SPARCL1: variants seen among roughly 807,000 people sequenced by gnomAD.
SPARCL1 encodes SPARC like 1, also known as SPARC-like protein 1.
A neutral mutation model predicts 67.1 loss-of-function variants in SPARCL1; 52 were observed. That is an observed-to-expected ratio of 0.78 (90% CI 0.62 to 0.98). SPARCL1 has a LOEUF of 0.98. Among genes scored for constraint, SPARCL1 ranks in the 50% least tolerant of loss-of-function variants. The pLI is 0.00. For synonymous variants in SPARCL1, 226 were observed against 267.8 expected, an observed-to-expected ratio of 0.84 and a Z score of 1.52; for missense variants, 717 against 782.4, an observed-to-expected ratio of 0.92 and a Z score of 1.00.
intron 1 of SPARCL1, among the ~76,000 whole-genome samples, chr4:87,501,482 T>A (rs1413252148): frequency 6.6e-6 from 1 of 152,160 alleles, no homozygotes; most frequent in African/African-American, 2.4e-5. Context: ...ATAGTTTGAA[T>A]AGATATAGAA....
At chr4:87,493,513 G>T in intron 4 of SPARCL1, 69 bp downstream of exon 4, 1 of 1,406,608 alleles carries the variant, frequency 7.1e-7, no homozygotes, top group Non-Finnish European at 9.7e-7. Flanking sequence ...TGAGAGCACA[G>T]AGAAAGGTCA....
chr4:87,491,394 A>G (rs373066832), intron 5 of SPARCL1, among the ~76,000 whole-genome samples: 2 of 152,222 alleles, frequency 1.3e-5, no homozygotes, highest in African/African-American at 4.8e-5. Flanking sequence ...CCCTTTCACT[A>G]ATATCTCAAC....
intron 7 of SPARCL1, among the ~76,000 whole-genome samples, chr4:87,488,280 G>A (rs970373249): frequency 5.9e-5 from 9 of 152,144 alleles, no homozygotes; most frequent in Non-Finnish European, 1.2e-4. Flanking sequence ...TGGGGTTTTT[G>A]TGTGGATATC....
chr4:87,509,999 T>G (rs928091103), intron 1 of SPARCL1, among the ~76,000 whole-genome samples: 1 of 152,194 alleles, frequency 6.6e-6, no homozygotes, highest in African/African-American at 2.4e-5. Context: ...CTGTACTGGT[T>G]TGTGAGAGCT....
Position 87,512,153 on chromosome 4 carries a change from G to C in SPARCL1, c.-11-12568C>G, listed in dbSNP as rs192312962. ...CTAATTTTTTTGTATTTTTAGTAGA[G>C]ATGGGGGTTTCACCATGTTGGTCAG... is the stretch of plus-strand genomic sequence containing the variant. On this transcript the variant is annotated intron_variant, in intron 1 of 10. Coordinates refer to ENST00000282470, the MANE Select transcript of SPARCL1 (RefSeq NM_004684.6). Among the ~76,000 whole-genome samples the C allele has an allele frequency of 2.6e-5, 4 of 151,990 alleles. No homozygotes were observed. The East Asian group carries it at 7.7e-4, about 29-fold the overall frequency.
chr4:87,482,505 GTC>G lies in SPARCL1; in HGVS notation c.1585_1586del (p.Asp529LeufsTer11). 2 of 1,614,030 alleles carry G rather than the reference GTC, an allele frequency of 1.2e-6. No individual in the cohort carries two copies. Among genetic ancestry groups the G allele is most frequent in the East Asian group, 2.2e-5 (1 of 44,890 alleles). ...GCTGCATGAGGATATTCTTGAGCCA[GTC>G]TCTCATCCGTAGAGGAAACTGAATC... ...EVIQFPLRMR[D>X]WLKNILMQLY... On this transcript the variant is annotated frameshift_variant, in exon 8 of 11. Transcript: ENST00000282470. LOFTEE classifies it high-confidence loss of function.
In SPARCL1 at chr4:87,520,246, C is replaced by CAAAAAAAAA. The variant is rs71667860; in HGVS notation, c.-12+8790_-12+8798dup. ...TGGGTGACAGAGCCAGACACTGTCT[C>CAAAAAAAAA]AAAAAAAAAAAAAAAAAAAAGTTGT... On this transcript the variant is annotated intron_variant, in intron 1 of 10. Coordinates refer to ENST00000282470, the MANE Select transcript of SPARCL1 (RefSeq NM_004684.6). Among the ~76,000 whole-genome samples the CAAAAAAAAA allele has an allele frequency of 1.1e-4, 12 of 105,234 alleles. 1 individual carries two copies. The highest frequency in any genetic ancestry group is 2.2e-4 in the Non-Finnish European group (12 of 55,696). 69.0% of individuals were successfully genotyped at this position (105,234 alleles called of 152,430 possible).
intron 8 of SPARCL1, 39 bp from the exon 9 acceptor site, chr4:87,480,559 C>A (rs776910947): frequency 4.4e-6 from 7 of 1,576,058 alleles, no homozygotes; most frequent in East Asian, 4.5e-5. Flanking sequence ...GAGAATCAGA[C>A]AAATGTAATG....
intron 7 of SPARCL1, among the ~76,000 whole-genome samples, chr4:87,488,204 TG>T (rs1259905579): frequency 6.6e-6 from 1 of 152,248 alleles, no homozygotes; most frequent in Non-Finnish European, 1.5e-5. Context: ...TCAGGCTTTT[TG>T]TGTTGGTTTT....
intron 1 of SPARCL1, among the ~76,000 whole-genome samples, chr4:87,526,110 G>A (rs892539681): frequency 2.0e-4 from 30 of 152,132 alleles, no homozygotes; most frequent in Non-Finnish European, 1.5e-5. Context: ...AGAATTGACA[G>A]CAAAGCAGCA....
At chr4:87,496,237 TTTAA>T (rs1302964402) in intron 2 of SPARCL1, among the ~76,000 whole-genome samples, 5 of 152,304 alleles carry the variant, frequency 3.3e-5, no homozygotes, top group South Asian at 2.1e-4. Context: ...TATATTAATT[TTTAA>T]TTAATTAACT....
In SPARCL1 at chr4:87,506,708, G is replaced by A. The variant is rs571007197; in HGVS notation, c.-11-7123C>T. On this transcript the variant is annotated intron_variant, in intron 1 of 10. Coordinates refer to ENST00000282470, the MANE Select transcript of SPARCL1 (RefSeq NM_004684.6). ...ATTGGCTCTCTTGGCTTTCCAATTTGCTGACTGCAGATCTTGGGACTGGCT... is the reference window on the plus strand; with the variant it reads ...ATTGGCTCTCTTGGCTTTCCAATTTACTGACTGCAGATCTTGGGACTGGCT... Among the ~76,000 whole-genome samples the A allele has an allele frequency of 2.6e-5, 4 of 152,250 alleles. No individual in the cohort carries two copies. In the South Asian group the frequency reaches 8.3e-4, roughly 32 times the overall value.
intron 8 of SPARCL1, among the ~76,000 whole-genome samples, chr4:87,481,573 A>C (rs1205934552): frequency 6.6e-6 from 1 of 152,162 alleles, no homozygotes; most frequent in Non-Finnish European, 1.5e-5. Context: ...TGACTTTGAC[A>C]TGCTAAATCC....
Position 87,493,609 on chromosome 4 carries a change from AC to A in SPARCL1, c.1190del (p.Gly397ValfsTer29). ...REKVHENENIGTTEPGEHQEA... is the reference protein window; with the variant it reads ...REKVHENENIXTTEPGEHQEA... ...CTTGGTGCTCTCCAGGCTCAGTGGT[AC>A]CTATATTTTCATTTTCATGTACTTT... On this transcript the variant is annotated frameshift_variant, in exon 4 of 11. Coordinates refer to ENST00000282470, the MANE Select transcript of SPARCL1 (RefSeq NM_004684.6). LOFTEE classifies it high-confidence loss of function. 6.2e-7 allele frequency: 1 copy of A among 1,612,700 alleles called. No homozygotes were observed. Among genetic ancestry groups the A allele is most frequent in the Non-Finnish European group, 8.5e-7 (1 of 1,179,118 alleles).
rs75550008 is a variant in SPARCL1, at chr4:87,476,424, T to G, written c.1967-2621A>C. On this transcript the variant is annotated intron_variant, in intron 10 of 10. Transcript: ENST00000282470. The stretch of plus-strand genomic sequence containing the variant: ...AGTTCTCATCAGCTCTTGCCTGGGT[T>G]TACCACAGTATTCTCTCAACAATTC... Among the ~76,000 whole-genome samples the G allele has an allele frequency of 7.8e-3, 1,192 of 152,296 alleles. 16 individuals are homozygous for G. Among genetic ancestry groups the G allele is most frequent in the African/African-American group, 0.025 (1,042 of 41,546 alleles).
At position 87,511,967 on chromosome 4, in the gene SPARCL1, C is replaced by CTTTTTTTTTTTTTTTTT. The variant is rs3037337; in HGVS notation, c.-11-12383_-11-12382insAAAAAAAAAAAAAAAAA. Among the ~76,000 whole-genome samples, 4 of 121,566 alleles carry CTTTTTTTTTTTTTTTTT rather than the reference C, an allele frequency of 3.3e-5. 1 individual carries two copies. Among genetic ancestry groups the CTTTTTTTTTTTTTTTTT allele is most frequent in the East Asian group, 2.6e-4 (1 of 3,808 alleles). The allele number at this position is 121,566 out of a possible 152,430, so 79.8% of individuals were successfully genotyped here. A position where few individuals can be genotyped will look rare whatever the true frequency, so the allele number is the denominator to read the frequency against. ...TTCCTTTCCTTTCCTCTTTCTTTCT[C>CTTTTTTTTTTTTTTTTT]TTTTTTTTTTTTTTTGAGACAGAGT... On this transcript the variant is annotated intron_variant, in intron 1 of 10. Transcript: ENST00000282470.
intron 2 of SPARCL1, among the ~76,000 whole-genome samples, chr4:87,499,208 A>T (rs1236565800): frequency 6.6e-6 from 1 of 152,098 alleles, no homozygotes; most frequent in Admixed American, 6.5e-5. Context: ...CAATGTGATG[A>T]GCTTCCCTGG....
At chr4:87,511,662 CAG>C (rs1725361971) in intron 1 of SPARCL1, among the ~76,000 whole-genome samples, 1 of 152,014 alleles carries the variant, frequency 6.6e-6, no homozygotes, top group African/African-American at 2.4e-5. Flanking sequence ...TTAAATGTCA[CAG>C]AGAGTTCAAA....
intron 7 of SPARCL1, among the ~76,000 whole-genome samples, chr4:87,487,695 C>A (rs577517577): frequency 6.6e-6 from 1 of 152,314 alleles, no homozygotes; most frequent in Admixed American, 6.5e-5. Flanking sequence ...TGTTTTCCAA[C>A]TTGGTTCCAT....
Sources: gnomAD v4.1 joint callset for allele counts (sites outside exome capture counted in the v4.1 genomes callset) on GRCh38, gnomAD v4.1.1 for gene constraint, MANE v1.5 for transcripts, NCBI Gene and HGNC (gene_info 2026-07-23, HGNC 2026-07-21) for gene names.